Variants in SEMA3C observed in about 807,000 individuals in gnomAD.
SEMA3C encodes the protein semaphorin-3C.
A neutral mutation model predicts 89.4 loss-of-function variants in SEMA3C; 47 were observed. The observed-to-expected ratio is 0.53, with a 90% CI of 0.42 to 0.67. The LOEUF (loss-of-function observed/expected upper bound fraction) is 0.67. Ranked by LOEUF, SEMA3C falls within the 30% of genes least tolerant of loss-of-function variation. The probability of loss-of-function intolerance (pLI) is 0.00; values close to 1 mark genes in which losing one functional copy is unlikely to be tolerated. For missense variants in SEMA3C, 839 were observed against 929.1 expected (o/e 0.90, Z 1.26); for synonymous variants, 310 against 320.2 (o/e 0.97, Z 0.34).
At chr7:80,841,453 C>T (rs768232607) in intron 2 of SEMA3C, among the ~76,000 whole-genome samples, 5 of 152,126 alleles carry the variant, frequency 3.3e-5, no homozygotes, top group Non-Finnish European at 5.9e-5. Flanking sequence ...TCAGGCTATG[C>T]AAACTTTCCT....
At position 80,742,701 on chromosome 7, in the gene SEMA3C, G is replaced by GA. The variant is rs1237851426; in HGVS notation, c.*2192dup. ...AATCTATTCACAAACTTACACTTTG[G>GA]AAAAAAGTGTATTTCTAGAAAATTT... On this transcript the variant is annotated 3_prime_UTR_variant, in exon 18 of 18. Transcript: ENST00000265361. 6.6e-6 allele frequency: 1 copy of GA among 151,534 alleles called. No homozygotes were observed. The highest frequency in any genetic ancestry group is 2.4e-5 in the African/African-American group (1 of 41,340). 9.4% of individuals were successfully genotyped at this position (151,534 alleles called of 1,614,324 possible). A position where few individuals can be genotyped will look rare whatever the true frequency, so the allele number is the denominator to read the frequency against.
chr7:80,819,494 A>T (rs1789693779), intron 4 of SEMA3C, among the ~76,000 whole-genome samples: 1 of 152,224 alleles, frequency 6.6e-6, no homozygotes, highest in Admixed American at 6.5e-5. Flanking sequence ...CAAGTTCCAT[A>T]TTACCATTAG....
chr7:80,792,010 C>A (rs781232947), intron 11 of SEMA3C, among the ~76,000 whole-genome samples: 71 of 152,088 alleles, frequency 4.7e-4, no homozygotes, highest in Non-Finnish European at 8.2e-4. Context: ...TAGAAAGGTA[C>A]AAGGAGCAAT....
chr7:80,761,056 G>A (rs991306876), intron 14 of SEMA3C, among the ~76,000 whole-genome samples: 1 of 151,900 alleles, frequency 6.6e-6, no homozygotes, highest in Non-Finnish European at 1.5e-5. Context: ...CAATTAATTT[G>A]AGGATTTCAA....
At chr7:80,821,735 A>C (rs1789753230) in intron 4 of SEMA3C, among the ~76,000 whole-genome samples, 1 of 152,196 alleles carries the variant, frequency 6.6e-6, no homozygotes, top group African/African-American at 2.4e-5. Context: ...CGATTGCTTA[A>C]TTCTCATAAC....
chr7:80,867,561 C>G (rs1186005782), intron 2 of SEMA3C, among the ~76,000 whole-genome samples: 2 of 152,306 alleles, frequency 1.3e-5, no homozygotes, highest in South Asian at 2.1e-4. Context: ...GTTTCCCTGT[C>G]TTGTCCTAGA....
chr7:80,875,913 C>T (rs894247853), intron 2 of SEMA3C, among the ~76,000 whole-genome samples: 7 of 151,898 alleles, frequency 4.6e-5, no homozygotes, highest in African/African-American at 1.5e-4. Flanking sequence ...AGTAAGAACA[C>T]ATCTTCTATC....
chr7:80,861,287 A>G (rs888625505), intron 2 of SEMA3C, among the ~76,000 whole-genome samples: 2 of 152,194 alleles, frequency 1.3e-5, no homozygotes, highest in Non-Finnish European at 2.9e-5. Flanking sequence ...TTCTAGATCA[A>G]CTAGTTCTGA....
chr7:80,893,063 A>G (rs1791653149), intron 2 of SEMA3C, among the ~76,000 whole-genome samples: 2 of 152,196 alleles, frequency 1.3e-5, no homozygotes, highest in Admixed American at 6.5e-5. Context: ...AGATGACTAA[A>G]AGACGAAAGG....
intron 12 of SEMA3C, among the ~76,000 whole-genome samples, chr7:80,782,144 A>T (rs1197230739): frequency 1.3e-5 from 2 of 152,186 alleles, no homozygotes; most frequent in African/African-American, 4.8e-5. Context: ...CCCTTTCCAC[A>T]TCTTCCCCTC....
At chr7:80,863,660 C>CGTATAT (rs549464957) in intron 2 of SEMA3C, among the ~76,000 whole-genome samples, 1 of 147,292 alleles carries the variant, frequency 6.8e-6, no homozygotes, top group Non-Finnish European at 1.5e-5. Context: ...ATATATATCA[C>CGTATAT]ATATATATAT....
upstream of SEMA3C, chr7:80,919,358 G>A: frequency 2.0e-6 from 2 of 985,338 alleles, no homozygotes; most frequent in Non-Finnish European, 2.4e-6. Flanking sequence ...GTCCGCGGCG[G>A]AGTGAGCAAC....
In SEMA3C at chr7:80,872,614, C is replaced by T. The variant is rs553320676; in HGVS notation, c.104-43869G>A. On this transcript the variant is annotated intron_variant, in intron 2 of 17. Transcript: ENST00000265361. ...GTCAAGAGATCCAGACCATCCTGGT[C>T]AATATGGTGAAACCCATCTCTACTA... is the stretch of plus-strand genomic sequence containing the variant. Among the ~76,000 whole-genome samples, 13 of 151,654 alleles carry T rather than the reference C, an allele frequency of 8.6e-5. No homozygotes were observed. The South Asian group carries it at 2.7e-3, about 32-fold the overall frequency.
At chr7:80,752,858 A>G (rs971938746) in intron 15 of SEMA3C, among the ~76,000 whole-genome samples, 2 of 152,140 alleles carry the variant, frequency 1.3e-5, no homozygotes, top group African/African-American at 4.8e-5. Context: ...ATTGCTTACT[A>G]TCAACACCGA....
Position 80,765,239 on chromosome 7 carries a change from C to A in SEMA3C, c.1359G>T (p.Arg453=), listed in dbSNP as rs1485575434. The A allele has an allele frequency of 6.2e-7, 1 of 1,609,124 alleles. No homozygotes were observed. Among genetic ancestry groups the A allele is most frequent in the African/African-American group, 1.3e-5 (1 of 74,690 alleles). ...GAACAACCACTTTTTGCACAGTACC[C>A]CGATCTAAATTAAAAAAAGAAGAAA... is the stretch of plus-strand genomic sequence containing the variant. ...RYHVLFLGTD[R]GTVQKVVVLP... is the part of the protein sequence containing the mutation. Residue 453 remains arginine, a synonymous_variant, in exon 13 of 18, where the codon CGG becomes CGT. Coordinates refer to ENST00000265361, the MANE Select transcript of SEMA3C (RefSeq NM_006379.5).
At chr7:80,830,983 C>A (rs1470912653) in intron 2 of SEMA3C, among the ~76,000 whole-genome samples, 1 of 152,158 alleles carries the variant, frequency 6.6e-6, no homozygotes, top group East Asian at 1.9e-4. Context: ...TTGGAGAGGA[C>A]ACAGACTGCC....
At chr7:80,837,227 A>G (rs1790154399) in intron 2 of SEMA3C, among the ~76,000 whole-genome samples, 1 of 152,176 alleles carries the variant, frequency 6.6e-6, no homozygotes, top group African/African-American at 2.4e-5. Context: ...TTTGGCCAAC[A>G]ACTGTTCAAG....
chr7:80,802,711 G>T lies in SEMA3C; in HGVS notation c.870C>A (p.Cys290Ter). ...CTGGGCCGTCTTCATCTGTTACCGA[G>T]CACACCAGCCTCGCCTTTAAGAAAG... Reference protein sequence around the residue: ...WTTFLKARLVCSVTDEDGPET... With the variant: ...WTTFLKARLV The change falls in exon 9 of 18, where the codon TGC (cysteine) becomes TGA (stop). Residue 290 changes from cysteine to a stop codon, truncating the protein, a stop_gained. Transcript: ENST00000265361. LOFTEE classifies it high-confidence loss of function. 1 of 1,613,502 alleles carries T rather than the reference G, an allele frequency of 6.2e-7. No homozygotes were observed.
intron 2 of SEMA3C, among the ~76,000 whole-genome samples, chr7:80,912,747 C>G (rs2116245144): frequency 6.6e-6 from 1 of 152,256 alleles, no homozygotes; most frequent in Non-Finnish European, 1.5e-5. Context: ...ATTCAATACA[C>G]CCAGAGTAAG....
Sources: gnomAD v4.1 joint callset for allele counts (sites outside exome capture counted in the v4.1 genomes callset) on GRCh38, gnomAD v4.1.1 for gene constraint, MANE v1.5 for transcripts, NCBI Gene and HGNC (gene_info 2026-07-23, HGNC 2026-07-21) for gene names.